EPS15: variants seen among roughly 807,000 people sequenced by gnomAD.
The protein encoded by EPS15 is epidermal growth factor receptor pathway substrate 15.
EPS15 carries 72 observed loss-of-function variants against 113.8 expected under a neutral mutation model. The observed-to-expected ratio is 0.63, with a 90% CI of 0.52 to 0.77. The LOEUF (loss-of-function observed/expected upper bound fraction) is 0.77, where lower values mean the gene tolerates loss of function less well. Among genes scored for constraint, EPS15 ranks in the 30% least tolerant of loss-of-function variants. EPS15 has a pLI of 0.00. For synonymous variants in EPS15, 344 were observed against 363.4 expected, an observed-to-expected ratio of 0.95 and a Z score of 0.61; for missense variants, 1,048 against 1,045.8, an observed-to-expected ratio of 1.00 and a Z score of -0.03.
At chr1:51,398,330 G>A (rs189144329) in intron 20 of EPS15, among the ~76,000 whole-genome samples, 1 of 152,296 alleles carries the variant, frequency 6.6e-6, no homozygotes, top group African/African-American at 2.4e-5. Flanking sequence ...TGGGATTACA[G>A]GCGTGAGCCA....
intron 12 of EPS15, among the ~76,000 whole-genome samples, chr1:51,439,211 T>TATCAAG (rs1267171492): frequency 1.3e-5 from 2 of 152,132 alleles, no homozygotes; most frequent in African/African-American, 4.8e-5. Context: ...TATCAAGGAA[T>TATCAAG]GCTTTAAGCC....
intron 24 of EPS15, 71 bp downstream of exon 24, chr1:51,361,100 G>C (rs1346493483): frequency 1.8e-5 from 21 of 1,147,216 alleles, no homozygotes; most frequent in Middle Eastern, 2.0e-4. Flanking sequence ...TGCAAACTTG[G>C]CAGACTCCAA....
intron 2 of EPS15, among the ~76,000 whole-genome samples, chr1:51,478,577 T>A (rs1643960151): frequency 6.6e-6 from 1 of 151,644 alleles, no homozygotes; most frequent in Admixed American, 6.6e-5. Context: ...TTGGCATGTT[T>A]TTGCAGTGGC....
At chr1:51,458,193 A>G (rs1002360936) in intron 8 of EPS15, 2 of 152,254 alleles carry the variant, frequency 1.3e-5, no homozygotes, top group Non-Finnish European at 2.9e-5. Flanking sequence ...CAAAATGGTT[A>G]ACAAGTAAAT....
chr1:51,419,870 CTAATA>C (rs1557450909), intron 13 of EPS15, among the ~76,000 whole-genome samples: 1 of 152,038 alleles, frequency 6.6e-6, no homozygotes, highest in Non-Finnish European at 1.5e-5. Context: ...AAAATGATCA[CTAATA>C]TAAGAGTTTT....
intron 2 of EPS15, among the ~76,000 whole-genome samples, chr1:51,479,182 C>A (rs974164319): frequency 1.3e-5 from 2 of 152,134 alleles, no homozygotes; most frequent in East Asian, 1.9e-4. Flanking sequence ...CTCTAAACTT[C>A]TCTTCTCGCT....
intron 16 of EPS15, among the ~76,000 whole-genome samples, chr1:51,405,699 CAAA>C (rs199667048): frequency 7.0e-6 from 1 of 142,772 alleles, no homozygotes; most frequent in African/African-American, 2.6e-5. Context: ...ACTCCATCTC[CAAA>C]AAAAAAAAAA....
chr1:51,507,618 G>A (rs905411792), intron 1 of EPS15, among the ~76,000 whole-genome samples: 5 of 151,016 alleles, frequency 3.3e-5, no homozygotes, highest in Non-Finnish European at 5.9e-5. Context: ...CTGAGATCAC[G>A]TCACTGTACT....
intron 13 of EPS15, among the ~76,000 whole-genome samples, chr1:51,414,999 C>T (rs1345313193): frequency 6.6e-6 from 1 of 151,966 alleles, no homozygotes; most frequent in African/African-American, 2.4e-5. Context: ...CTTTTATAAT[C>T]AGAAAATGTC....
At chr1:51,421,758 T>C in intron 13 of EPS15, 28 bp downstream of exon 13, 3 of 1,423,530 alleles carry the variant, frequency 2.1e-6, no homozygotes, top group Non-Finnish European at 2.9e-6. Flanking sequence ...AAATCAGCAG[T>C]GGAACACTAA....
intron 21 of EPS15, among the ~76,000 whole-genome samples, chr1:51,386,919 C>T (rs1278346582): frequency 1.3e-5 from 2 of 152,172 alleles, no homozygotes; most frequent in African/African-American, 4.8e-5. Context: ...AGGAGAACTT[C>T]CCCAATCTAG....
At position 51,366,049 on chromosome 1, in the gene EPS15, T is replaced by G; in HGVS notation, c.2120-20A>C. ...CTGTGGCTAAAATGAATAAAGAAAA[T>G]AAATGAAACAGGACAGTAAGACATT... On this transcript the variant is annotated intron_variant, in intron 21 of 24. Coordinates refer to ENST00000371733, the MANE Select transcript of EPS15 (RefSeq NM_001981.3). 6.4e-7 allele frequency: 1 copy of G among 1,560,540 alleles called. No individual in the cohort carries two copies. Among genetic ancestry groups the G allele is most frequent in the African/African-American group, 1.4e-5 (1 of 73,222 alleles).
intron 17 of EPS15, 64 bp from the exon 18 acceptor site, chr1:51,402,589 A>C: frequency 2.3e-6 from 2 of 884,680 alleles, no homozygotes; most frequent in Middle Eastern, 3.5e-4. Flanking sequence ...TAACATTTTA[A>C]AATAAAATAA....
intron 8 of EPS15, among the ~76,000 whole-genome samples, chr1:51,457,152 T>C (rs1180512935): frequency 1.3e-5 from 2 of 152,102 alleles, no homozygotes; most frequent in Admixed American, 6.5e-5. Context: ...CCAGGCGTGG[T>C]GGCGGGCGCC....
intron 8 of EPS15, among the ~76,000 whole-genome samples, 174 bp from the exon 9 acceptor site, chr1:51,448,309 G>GAAAGAAAAA (rs547373457): frequency 0.022 from 3,318 of 151,982 alleles, 31 homozygotes; most frequent in Middle Eastern, 0.034. Flanking sequence ...GGGAGAAAAA[G>GAAAGAAAAA]AAAGAAATAA....
chr1:51,490,594 A>C (rs1354822419), intron 1 of EPS15, among the ~76,000 whole-genome samples: 3 of 151,322 alleles, frequency 2.0e-5, no homozygotes, highest in African/African-American at 7.3e-5. Flanking sequence ...AACAGAAGTG[A>C]AAGTAAAATA....
intron 19 of EPS15, among the ~76,000 whole-genome samples, 185 bp downstream of exon 19, chr1:51,400,733 A>AG (rs1553120050): frequency 7.4e-5 from 11 of 147,762 alleles, no homozygotes; most frequent in African/African-American, 2.0e-4. Context: ...AAAAAAAAAA[A>AG]AAGAAGAAGT....
intron 23 of EPS15, among the ~76,000 whole-genome samples, 170 bp downstream of exon 23, chr1:51,363,696 G>A (rs558337529): frequency 6.6e-6 from 1 of 152,348 alleles, no homozygotes; most frequent in East Asian, 1.9e-4. Context: ...GACTTCTTAA[G>A]TGCATGTCTG....
intron 21 of EPS15, among the ~76,000 whole-genome samples, chr1:51,377,546 T>C (rs1646829427): frequency 6.6e-6 from 1 of 152,216 alleles, no homozygotes; most frequent in Non-Finnish European, 1.5e-5. Context: ...TAGAATGTAC[T>C]CCTGGTGAAG....
Sources: allele counts gnomAD v4.1 joint callset (sites outside exome capture counted in the v4.1 genomes callset), GRCh38; gene constraint gnomAD v4.1.1; transcripts MANE v1.5; gene names NCBI Gene and HGNC (gene_info 2026-07-23, HGNC 2026-07-21).